RET: variants seen among roughly 807,000 people sequenced by gnomAD.
RET encodes proto-oncogene tyrosine-protein kinase receptor Ret.
In RET, 19 loss-of-function variants were observed where a neutral mutation model predicts 118.3. The ratio of observed to expected loss-of-function variants is 0.16; its 90% confidence interval spans 0.11 to 0.24. The LOEUF (loss-of-function observed/expected upper bound fraction) is 0.24. RET is among the 10% of genes least tolerant of loss of function. The pLI is 1.00. For synonymous variants in RET, 597 were observed against 644.1 expected, an observed-to-expected ratio of 0.93 and a Z score of 1.11; for missense variants, 1,219 against 1,502.1, an observed-to-expected ratio of 0.81 and a Z score of 3.12.
chr10:43,120,332 C>T, intron 15 of RET, 129 bp downstream of exon 15: 1 of 1,318,882 alleles, frequency 7.6e-7, no homozygotes, highest in Non-Finnish European at 1.0e-6. Context: ...ATAGCCCTCA[C>T]CCCAAATCTT....
intron 12 of RET, among the ~76,000 whole-genome samples, chr10:43,117,624 C>T (rs3026765): frequency 0.021 from 3,145 of 152,330 alleles, 53 homozygotes; most frequent in Middle Eastern, 0.048. Context: ...GGCCCAGGCA[C>T]CTGCTGGGCA....
chr10:43,080,200 T>G (rs987638637), intron 1 of RET, among the ~76,000 whole-genome samples: 1 of 152,168 alleles, frequency 6.6e-6, no homozygotes, highest in Non-Finnish European at 1.5e-5. Context: ...CAATTAAAAA[T>G]TATGATATCT....
chr10:43,090,010 C>A (rs929113181), intron 1 of RET, among the ~76,000 whole-genome samples: 9 of 152,204 alleles, frequency 5.9e-5, no homozygotes, highest in Non-Finnish European at 1.3e-4. Context: ...AGCCCTGGGC[C>A]AGGCTGAGCG....
At chr10:43,123,958 G>C in intron 17 of RET, 150 bp downstream of exon 17, 1 of 1,236,988 alleles carries the variant, frequency 8.1e-7, no homozygotes, top group South Asian at 1.3e-5. Context: ...GCCATCCTTG[G>C]GTGTGGCAGT....
chr10:43,086,760 A>T (rs1217397568), intron 1 of RET, among the ~76,000 whole-genome samples: 1 of 152,248 alleles, frequency 6.6e-6, no homozygotes, highest in Non-Finnish European at 1.5e-5. Flanking sequence ...AGCAGCTGGG[A>T]AATTGCAGTT....
rs139213499 is a variant in RET, at chr10:43,105,152, G to T, written c.826G>T (p.Val276Phe). Residue 276 changes from valine (V) to phenylalanine (F), a missense_variant, in exon 4 of 20, where the codon GTC becomes TTC. Val to Phe is a conservative substitution (Grantham distance 50). This residue lies in a region of RET where 850 missense variants were observed against 969.6 expected (regional missense o/e 0.88). Coordinates refer to ENST00000355710, the MANE Select transcript of RET (RefSeq NM_020975.6). Reference protein sequence around the residue: ...DDSAPTFPAGVDTASAVVEFK... With the variant: ...DDSAPTFPAGFDTASAVVEFK... ...CTCGGCGCCCACCTTCCCCGCGGGC[G>T]TCGACACCGCCAGCGCCGTGGTGGA... 6.2e-7 allele frequency: 1 copy of T among 1,612,786 alleles called. No individual in the cohort carries two copies. The highest frequency in any genetic ancestry group is 1.1e-5 in the South Asian group (1 of 91,068).
intron 1 of RET, among the ~76,000 whole-genome samples, chr10:43,083,637 G>A (rs1250311112): frequency 1.3e-5 from 2 of 152,214 alleles, no homozygotes; most frequent in African/African-American, 4.8e-5. Context: ...CGGGGATGGG[G>A]GCACGCAGGG....
chr10:43,123,020 A>G (rs1394427602), intron 16 of RET, among the ~76,000 whole-genome samples: 1 of 152,208 alleles, frequency 6.6e-6, no homozygotes, highest in Non-Finnish European at 1.5e-5. Context: ...AAGCATAAAG[A>G]AGAGACTGAA....
intron 5 of RET, among the ~76,000 whole-genome samples, chr10:43,107,250 C>G (rs759849363): frequency 7.2e-5 from 11 of 152,202 alleles, no homozygotes; most frequent in Non-Finnish European, 1.6e-4. Flanking sequence ...CCTCAGTCCT[C>G]CCCACCTCAC....
chr10:43,080,868 G>A (rs929845453), intron 1 of RET, among the ~76,000 whole-genome samples: 1 of 152,238 alleles, frequency 6.6e-6, no homozygotes, highest in Non-Finnish European at 1.5e-5. Context: ...CGGTGCAGAT[G>A]TTCGGCTGGG....
chr10:43,120,463 A>G (rs1034086135), intron 15 of RET, among the ~76,000 whole-genome samples: 1 of 152,184 alleles, frequency 6.6e-6, no homozygotes. Context: ...CCCTTGCCGC[A>G]CTTTTCAGAG....
chr10:43,104,808 C>CG, intron 3 of RET, 144 bp from the exon 4 acceptor site: 1 of 1,272,402 alleles, frequency 7.9e-7, no homozygotes, highest in South Asian at 1.4e-5. Context: ...CGAGCGCTGC[C>CG]CTCCCCTGTG....
In RET at chr10:43,114,930, C is replaced by T. The variant is rs1254199768; in HGVS notation, c.2136+194C>T. On this transcript the variant is annotated intron_variant, in intron 11 of 19. Coordinates refer to ENST00000355710, the MANE Select transcript of RET (RefSeq NM_020975.6). The surrounding 1 kb of genome is among the most constrained non-coding windows in gnomAD (Gnocchi z 4.6). ...GTGGGGTGGGACTGTGATGAGGTGC[C>T]GTTCCCATCTAGGTGAGAGGCAGTG... is the stretch of plus-strand genomic sequence containing the variant. Among the ~76,000 whole-genome samples, 2 of 152,106 alleles carry T rather than the reference C, an allele frequency of 1.3e-5. No individual in the cohort carries two copies. Among genetic ancestry groups the T allele is most frequent in the African/African-American group, 4.8e-5 (2 of 41,432 alleles).
chr10:43,119,242 A>G lies in RET; in HGVS notation c.2393-289A>G, dbSNP rs559913789. 1.9e-4 allele frequency among the ~76,000 whole-genome samples: 29 copies of G among 152,314 alleles called. No homozygotes were observed. The South Asian group carries it at 4.6e-3, about 24-fold the overall frequency. On this transcript the variant is annotated intron_variant, in intron 13 of 19. Transcript: ENST00000355710. ...AGGCAAAAAGGCTTGGCGTCCTAGCATCAGGGAGGGGTGCCTCCCAGGGCA... is the reference window on the plus strand; with the variant it reads ...AGGCAAAAAGGCTTGGCGTCCTAGCGTCAGGGAGGGGTGCCTCCCAGGGCA...
chr10:43,105,265 G>A (rs1837743294), intron 4 of RET, 72 bp downstream of exon 4: 1 of 1,604,504 alleles, frequency 6.2e-7, no homozygotes, highest in Non-Finnish European at 8.5e-7. Context: ...GGTCGGTTTA[G>A]TGTCCGTGTA....
At chr10:43,083,016 A>G (rs1304395919) in intron 1 of RET, among the ~76,000 whole-genome samples, 1 of 152,126 alleles carries the variant, frequency 6.6e-6, no homozygotes, top group African/African-American at 2.4e-5. Context: ...TTCCTGCTCC[A>G]CCACCATTGC....
At chr10:43,078,956 GA>G (rs1337440211) in intron 1 of RET, among the ~76,000 whole-genome samples, 6 of 152,184 alleles carry the variant, frequency 3.9e-5, no homozygotes, top group Non-Finnish European at 8.8e-5. Flanking sequence ...TGGGGCCTTT[GA>G]AGAGGCTGCA....
intron 1 of RET, among the ~76,000 whole-genome samples, chr10:43,084,065 G>A (rs1837240833): frequency 6.6e-6 from 1 of 152,226 alleles, no homozygotes. Flanking sequence ...CCTCTAGGCT[G>A]TGGCACACAT....
intron 1 of RET, among the ~76,000 whole-genome samples, chr10:43,087,975 GTGA>G (rs1341955088): frequency 6.6e-6 from 1 of 152,168 alleles, no homozygotes; most frequent in Non-Finnish European, 1.5e-5. Flanking sequence ...AGTGGAGGTC[GTGA>G]TGATGGTTGT....
Sources: allele counts gnomAD v4.1 joint callset (sites outside exome capture counted in the v4.1 genomes callset), GRCh38; gene constraint gnomAD v4.1.1; regional missense constraint gnomAD v4.1.1; non-coding constraint Gnocchi (gnomAD v3.1); transcripts MANE v1.5; gene names NCBI Gene and HGNC (gene_info 2026-07-23, HGNC 2026-07-21).